GABRG3: variants seen among roughly 807,000 people sequenced by gnomAD.
GABRG3 encodes gamma-aminobutyric acid receptor subunit gamma-3.
Under a neutral mutation model 48.8 loss-of-function variants are expected in GABRG3, and 25 were observed. The observed-to-expected ratio is 0.51, with a 90% CI of 0.37 to 0.72. GABRG3 has a LOEUF of 0.72. Among genes scored for constraint, GABRG3 ranks in the 30% least tolerant of loss-of-function variants. The probability of loss-of-function intolerance (pLI) is 0.00; values close to 1 mark genes in which losing one functional copy is unlikely to be tolerated. For synonymous variants in GABRG3, 227 were observed against 217.6 expected (o/e 1.04, Z -0.38); for missense variants, 394 against 577.9 (o/e 0.68, Z 3.26).
chr15:27,272,552 G>A, intron 3 of GABRG3, among the ~76,000 whole-genome samples: 1 of 152,134 alleles, frequency 6.6e-6, no homozygotes, highest in Non-Finnish European at 1.5e-5. Flanking sequence ...GAGTGTTTTT[G>A]TATTTTTTTG....
chr15:27,225,902 G>C (rs1427278770), intron 3 of GABRG3, among the ~76,000 whole-genome samples: 1 of 152,116 alleles, frequency 6.6e-6, no homozygotes, highest in Non-Finnish European at 1.5e-5. Context: ...AGGAGGAGGA[G>C]CCCAGATGAG....
Position 27,517,403 on chromosome 15 carries a change from G to A in GABRG3, c.713-2569G>A, listed in dbSNP as rs116203866. The stretch of plus-strand genomic sequence containing the variant: ...CATGTCTGGGAAAGGCAGAGCCTCA[G>A]TAGGATGACCATGGAAGCTAATAAC... On this transcript the variant is annotated intron_variant, in intron 6 of 9. Coordinates refer to ENST00000615808, the MANE Select transcript of GABRG3 (RefSeq NM_033223.5). 7.2e-3 allele frequency among the ~76,000 whole-genome samples: 1,095 copies of A among 152,348 alleles called. 20 individuals are homozygous for A. Among genetic ancestry groups the A allele is most frequent in the African/African-American group, 0.025 (1,025 of 41,582 alleles).
chr15:27,082,576 C>T lies in GABRG3; in HGVS notation c.270+55755C>T, dbSNP rs761198443. 4.6e-5 allele frequency among the ~76,000 whole-genome samples: 7 copies of T among 152,268 alleles called. 1 individual carries two copies. The highest frequency in any genetic ancestry group is 1.2e-4 in the African/African-American group (5 of 41,556). ...GCCACTTGGGCAAGGGTTGGGTCTG[C>T]GTCCCACCCCCACAACTGAAGAAGG... On this transcript the variant is annotated intron_variant, in intron 3 of 9. Transcript: ENST00000615808.
intron 2 of GABRG3, among the ~76,000 whole-genome samples, chr15:27,022,253 C>T (rs570340536): frequency 4.6e-5 from 7 of 152,310 alleles, no homozygotes; most frequent in East Asian, 1.9e-4. Flanking sequence ...TGCCACTTCA[C>T]GCTGGAAAAG....
chr15:27,516,409 G>C (rs79336410), intron 6 of GABRG3, among the ~76,000 whole-genome samples: 2 of 152,172 alleles, frequency 1.3e-5, no homozygotes, highest in Admixed American at 6.5e-5. Flanking sequence ...GATTACCTCT[G>C]TTATTCCTAC....
chr15:27,328,024 C>T (rs1893674339), intron 4 of GABRG3, among the ~76,000 whole-genome samples: 1 of 150,002 alleles, frequency 6.7e-6, no homozygotes, highest in Non-Finnish European at 1.5e-5. Context: ...CGCAGATGGA[C>T]ATTAAAATAA....
At chr15:27,421,465 C>A (rs746123280) in intron 5 of GABRG3, among the ~76,000 whole-genome samples, 8 of 152,130 alleles carry the variant, frequency 5.3e-5, no homozygotes. Flanking sequence ...TCCAACAATA[C>A]TGAGTATTCT....
intron 3 of GABRG3, among the ~76,000 whole-genome samples, chr15:27,254,358 G>T (rs184617948): frequency 6.6e-6 from 1 of 152,222 alleles, no homozygotes; most frequent in African/African-American, 2.4e-5. Context: ...CACACAGGAG[G>T]GTTCTCGCCT....
chr15:27,163,513 C>G (rs1199868613), intron 3 of GABRG3, among the ~76,000 whole-genome samples: 1 of 152,042 alleles, frequency 6.6e-6, no homozygotes, highest in Non-Finnish European at 1.5e-5. Flanking sequence ...CAGCTGCAAT[C>G]TCTTGGGCTG....
intron 3 of GABRG3, among the ~76,000 whole-genome samples, chr15:27,182,298 C>T (rs754100212): frequency 2.6e-5 from 4 of 152,102 alleles, no homozygotes; most frequent in Non-Finnish European, 2.9e-5. Context: ...CTTACTCACT[C>T]GTCGTGTTAG....
intron 3 of GABRG3, among the ~76,000 whole-genome samples, chr15:27,168,544 A>G (rs1218229986): frequency 2.0e-5 from 3 of 152,206 alleles, no homozygotes; most frequent in Non-Finnish European, 4.4e-5. Context: ...ATAATGAACT[A>G]TCAATCCAGA....
Position 27,352,003 on chromosome 15 carries a change from TATG to T in GABRG3, c.574+23119_574+23121del, listed in dbSNP as rs903220137. Among the ~76,000 whole-genome samples, 1 of 150,880 alleles carries T rather than the reference TATG, an allele frequency of 6.6e-6. No individual in the cohort carries two copies. Among genetic ancestry groups the T allele is most frequent in the African/African-American group, 2.4e-5 (1 of 40,942 alleles). On this transcript the variant is annotated intron_variant, in intron 5 of 9. Transcript: ENST00000615808. The surrounding 1 kb of genome is among the most constrained non-coding windows in gnomAD (Gnocchi z 4.0). Reference sequence around the variant, plus strand: ...TGTGTGTATGGTGTGTGTGTGTATATATGATGTGTGGGTTTATGGTGTATGCGT... The same window carrying T: ...TGTGTGTATGGTGTGTGTGTGTATATATGTGTGGGTTTATGGTGTATGCGT...
intron 3 of GABRG3, among the ~76,000 whole-genome samples, chr15:27,288,856 T>C (rs1312200613): frequency 3.3e-5 from 5 of 152,250 alleles, no homozygotes; most frequent in Admixed American, 2.0e-4. Context: ...TCATTTCCTG[T>C]AGTGCAAGTC....
At chr15:27,425,263 G>A (rs773788702) in intron 5 of GABRG3, among the ~76,000 whole-genome samples, 1 of 151,990 alleles carries the variant, frequency 6.6e-6, no homozygotes, top group Non-Finnish European at 1.5e-5. Context: ...AGTATAAGTG[G>A]CTTGACTGAG....
intron 6 of GABRG3, among the ~76,000 whole-genome samples, chr15:27,493,816 A>G (rs1890416367): frequency 6.6e-6 from 1 of 152,176 alleles, no homozygotes; most frequent in Non-Finnish European, 1.5e-5. Context: ...CTGACAGTTG[A>G]TTGATTGGGA....
intron 5 of GABRG3, chr15:27,350,096 T>C (rs564415349): frequency 2.4e-5 from 11 of 456,068 alleles, no homozygotes; most frequent in African/African-American, 1.0e-4. Flanking sequence ...GTCACTCTTA[T>C]CACGTTTTTC....
chr15:27,002,900 G>A (rs1895480376), intron 2 of GABRG3, among the ~76,000 whole-genome samples: 1 of 152,034 alleles, frequency 6.6e-6, no homozygotes, highest in Non-Finnish European at 1.5e-5. Flanking sequence ...AGGAGTTTGA[G>A]GTTACAGTGA....
intron 3 of GABRG3, among the ~76,000 whole-genome samples, chr15:27,071,385 A>G (rs944107862): frequency 1.3e-5 from 2 of 152,254 alleles, no homozygotes; most frequent in South Asian, 2.1e-4. Flanking sequence ...GCCTGTGCTA[A>G]TTGCACACTA....
At chr15:27,524,991 G>A (rs1256479744) in intron 7 of GABRG3, among the ~76,000 whole-genome samples, 2 of 152,054 alleles carry the variant, frequency 1.3e-5, no homozygotes, top group Non-Finnish European at 2.9e-5. Context: ...GAAATAGGAT[G>A]ACATTATTAC....
Sources: gnomAD v4.1 joint callset for allele counts (sites outside exome capture counted in the v4.1 genomes callset) on GRCh38, gnomAD v4.1.1 for gene constraint, Gnocchi (gnomAD v3.1) non-coding constraint, MANE v1.5 for transcripts, NCBI Gene and HGNC (gene_info 2026-07-23, HGNC 2026-07-21) for gene names.